Variants in EML4 observed in about 807,000 individuals in gnomAD.
EML4 encodes echinoderm microtubule-associated protein-like 4.
EML4 carries 72 observed loss-of-function variants against 129.0 expected under a neutral mutation model. That is an observed-to-expected ratio of 0.56 (90% CI 0.46 to 0.68). EML4 has a LOEUF of 0.68. EML4 is among the 30% of genes least tolerant of loss of function. The pLI, the probability that EML4 is intolerant of heterozygous loss-of-function variation, is 0.00. For missense variants in EML4, 1,363 were observed against 1,190.6 expected (o/e 1.14, Z -2.13); for synonymous variants, 532 against 405.0 (o/e 1.31, Z -3.77).
intron 2 of EML4, among the ~76,000 whole-genome samples, chr2:42,252,040 G>A (rs1329521279): frequency 6.6e-6 from 1 of 152,172 alleles, no homozygotes; most frequent in South Asian, 2.1e-4. Context: ...AGGAAGTTGT[G>A]ATAAAATTAC....
chr2:42,263,118 T>G (rs965736126), intron 4 of EML4, 60 bp from the exon 5 acceptor site: 5 of 1,377,122 alleles, frequency 3.6e-6, no homozygotes, highest in Non-Finnish European at 4.1e-6. Flanking sequence ...CTGTTTAAAT[T>G]GTCAGTTACA....
At chr2:42,297,634 G>C (rs1280835948) in intron 13 of EML4, among the ~76,000 whole-genome samples, 1 of 152,158 alleles carries the variant, frequency 6.6e-6, no homozygotes, top group Non-Finnish European at 1.5e-5. Context: ...TGGAAGTCCA[G>C]ACCAGAGTAA....
At chr2:42,276,133 C>T (rs1666642732) in intron 6 of EML4, among the ~76,000 whole-genome samples, 1 of 152,028 alleles carries the variant, frequency 6.6e-6, no homozygotes, top group African/African-American at 2.4e-5. Context: ...ACCTAATACC[C>T]AAGGTAAAGA....
intron 1 of EML4, 43 bp downstream of exon 1, chr2:42,169,679 G>C (rs751013118): frequency 2.4e-5 from 38 of 1,589,358 alleles, no homozygotes; most frequent in Non-Finnish European, 1.3e-5. Context: ...CGAAGGGTAG[G>C]AACTTTTTTC....
At chr2:42,229,848 A>G (rs1240665415) in intron 1 of EML4, among the ~76,000 whole-genome samples, 1 of 152,030 alleles carries the variant, frequency 6.6e-6, no homozygotes, top group African/African-American at 2.4e-5. Flanking sequence ...TTTTGGTCAT[A>G]TCCTGGCAGA....
intron 21 of EML4, among the ~76,000 whole-genome samples, chr2:42,327,444 T>G (rs890676244): frequency 6.6e-6 from 1 of 152,240 alleles, no homozygotes; most frequent in African/African-American, 2.4e-5. Flanking sequence ...GTGACTACAT[T>G]TACATTTCCA....
At chr2:42,317,948 C>G (rs1420164817) in intron 19 of EML4, among the ~76,000 whole-genome samples, 1 of 152,144 alleles carries the variant, frequency 6.6e-6, no homozygotes, top group African/African-American at 2.4e-5. Flanking sequence ...GGATATTTGT[C>G]TGCATTTAAG....
At chr2:42,303,071 A>G (rs1668381533) in intron 14 of EML4, 33 bp from the exon 15 acceptor site, 12 of 1,604,654 alleles carry the variant, frequency 7.5e-6, no homozygotes, top group Non-Finnish European at 1.0e-5. Flanking sequence ...GCATATTAGT[A>G]TGTATATGGT....
chr2:42,272,869 G>T (rs1445288853), intron 6 of EML4, among the ~76,000 whole-genome samples: 1 of 152,160 alleles, frequency 6.6e-6, no homozygotes, highest in East Asian at 1.9e-4. Context: ...CATGTTCTTA[G>T]AAGTTGGGAT....
intron 1 of EML4, chr2:42,208,215 C>T (rs1672675317): frequency 6.6e-6 from 1 of 152,102 alleles, no homozygotes; most frequent in African/African-American, 2.4e-5. Context: ...TGAGTAAATG[C>T]AGAGTGAGTA....
intron 1 of EML4, among the ~76,000 whole-genome samples, chr2:42,226,734 G>C (rs1558519088): frequency 6.6e-6 from 1 of 152,022 alleles, no homozygotes; most frequent in African/African-American, 2.4e-5. Flanking sequence ...ATTTTTAAAT[G>C]TTCTTTCTCC....
intron 1 of EML4, among the ~76,000 whole-genome samples, chr2:42,181,695 C>T (rs1370807649): frequency 6.6e-6 from 1 of 152,108 alleles, no homozygotes; most frequent in Non-Finnish European, 1.5e-5. Context: ...AAACTGTCTT[C>T]TTTGTTCTTT....
At chr2:42,267,573 A>G (rs1462324385) in intron 6 of EML4, among the ~76,000 whole-genome samples, 1 of 152,226 alleles carries the variant, frequency 6.6e-6, no homozygotes, top group Non-Finnish European at 1.5e-5. Flanking sequence ...TTTACCTGAA[A>G]GGCCTGTGTC....
At chr2:42,265,775 A>T (rs1666027823) in intron 6 of EML4, among the ~76,000 whole-genome samples, 1 of 152,344 alleles carries the variant, frequency 6.6e-6, no homozygotes, top group Middle Eastern at 3.4e-3. Context: ...TGATGAGTCT[A>T]GCAAATCCAT....
intron 1 of EML4, among the ~76,000 whole-genome samples, chr2:42,227,462 G>A (rs945527498): frequency 6.9e-6 from 1 of 145,168 alleles, no homozygotes; most frequent in South Asian, 2.1e-4. Flanking sequence ...ATTAATATGA[G>A]CCTGTTAAGG....
intron 3 of EML4, among the ~76,000 whole-genome samples, chr2:42,257,287 A>T (rs917922002): frequency 1.2e-4 from 19 of 152,160 alleles, no homozygotes; most frequent in African/African-American, 4.3e-4. Context: ...ATTTCTAGCA[A>T]ATTATTCGAT....
intron 5 of EML4, 56 bp from the exon 6 acceptor site, chr2:42,264,650 A>T (rs2104397530): frequency 4.1e-6 from 4 of 983,362 alleles, no homozygotes; most frequent in South Asian, 1.5e-5. Context: ...AGGTGATTTT[A>T]ATGGTTAGCC....
intron 1 of EML4, among the ~76,000 whole-genome samples, chr2:42,210,380 C>T (rs921090433): frequency 4.6e-5 from 7 of 152,134 alleles, no homozygotes; most frequent in Admixed American, 4.6e-4. Context: ...GGGAAAGTGC[C>T]ATCCTCATCA....
At chr2:42,274,780 C>T (rs924405185) in intron 6 of EML4, among the ~76,000 whole-genome samples, 4 of 151,980 alleles carry the variant, frequency 2.6e-5, no homozygotes, top group African/African-American at 7.3e-5. Context: ...ATCAGATGGC[C>T]TAAGGGAGAT....
Sources: gnomAD v4.1 joint callset for allele counts (sites outside exome capture counted in the v4.1 genomes callset) on GRCh38, gnomAD v4.1.1 for gene constraint, MANE v1.5 for transcripts, NCBI Gene and HGNC (gene_info 2026-07-23, HGNC 2026-07-21) for gene names.